Variants in SLF2 observed in about 807,000 individuals in gnomAD.
SLF2 encodes SMC5/6 complex localization factor 2, also known as SMC5-SMC6 complex localization factor protein 2.
Under a neutral mutation model 124.3 loss-of-function variants are expected in SLF2, and 68 were observed. The observed-to-expected ratio is 0.55, with a 90% CI of 0.45 to 0.67. The LOEUF (loss-of-function observed/expected upper bound fraction) is 0.67. Ranked by LOEUF, SLF2 falls within the 30% of genes least tolerant of loss-of-function variation. The pLI is 0.00. For missense variants in SLF2, 1,246 were observed against 1,373.7 expected (o/e 0.91, Z 1.47); for synonymous variants, 480 against 478.8 (o/e 1.00, Z -0.03).
Position 100,916,038 on chromosome 10 carries a change from A to G in SLF2, c.180A>G (p.Lys60=), listed in dbSNP as rs746245363. The G allele has an allele frequency of 1.2e-6, 2 of 1,612,180 alleles. No individual in the cohort carries two copies. The highest frequency in any genetic ancestry group is 2.7e-5 in the African/African-American group (2 of 74,890). The change falls in exon 2 of 20, where the codon AAA becomes AAG. Residue 60 remains lysine (K), a synonymous_variant. Transcript: ENST00000238961. ...TAGATTTCTTCAAACCAGCTTCAAA[A>G]CAAGGTATGTACACTGTTGATGCAT... ...SIIDFFKPAS[K]QDRHMLDSPQ...
chr10:100,930,095 T>C (rs1849701857), intron 8 of SLF2, 98 bp downstream of exon 8: 3 of 751,664 alleles, frequency 4.0e-6, no homozygotes, highest in Non-Finnish European at 6.1e-6. Flanking sequence ...ATTTCTATTA[T>C]GACCTATTAA....
intron 9 of SLF2, among the ~76,000 whole-genome samples, chr10:100,935,760 C>G (rs1849836449): frequency 1.3e-5 from 2 of 151,620 alleles, no homozygotes. Context: ...ATCTGAATTC[C>G]TGTATGTACA....
At chr10:100,914,405 A>G (rs1297355959) in intron 1 of SLF2, among the ~76,000 whole-genome samples, 1 of 152,002 alleles carries the variant, frequency 6.6e-6, no homozygotes, top group East Asian at 1.9e-4. Flanking sequence ...ATTCATGGTT[A>G]TTTTACAGGT....
intron 12 of SLF2, 61 bp from the exon 13 acceptor site, chr10:100,945,269 A>C: frequency 1.5e-6 from 2 of 1,375,972 alleles, no homozygotes; most frequent in South Asian, 3.0e-5. Context: ...TTTATAATTA[A>C]AACTCTAAAA....
chr10:100,927,081 GT>G (rs5787405), intron 6 of SLF2, among the ~76,000 whole-genome samples: 52,624 of 151,588 alleles, frequency 0.35, 10,591 homozygotes, highest in Middle Eastern at 0.53. Flanking sequence ...AATTTTTTGT[GT>G]TTTTTTAATG....
chr10:100,955,767 C>T lies in SLF2; in HGVS notation c.3331-684C>T, dbSNP rs563836654. Among the ~76,000 whole-genome samples the T allele has an allele frequency of 6.0e-4, 92 of 152,174 alleles. 2 individuals carry two copies. In the South Asian group the frequency reaches 0.019, roughly 31 times the overall value. On this transcript the variant is annotated intron_variant, in intron 17 of 19. Coordinates refer to ENST00000238961, the MANE Select transcript of SLF2 (RefSeq NM_018121.4). ...ACTAAAAATATAAAAATTAGCTGGGCATGGTGGTGCACACTTGTAATCCCA... is the reference window on the plus strand; with the variant it reads ...ACTAAAAATATAAAAATTAGCTGGGTATGGTGGTGCACACTTGTAATCCCA...
chr10:100,919,129 A>T (rs1323746090), intron 4 of SLF2, among the ~76,000 whole-genome samples: 3 of 146,854 alleles, frequency 2.0e-5, no homozygotes, highest in African/African-American at 7.7e-5. Context: ...CTCCTGCCTC[A>T]GCCTCCCAAA....
chr10:100,916,758 G>C lies in SLF2; in HGVS notation c.373G>C (p.Asp125His). 6.2e-7 allele frequency: 1 copy of C among 1,606,284 alleles called. No individual in the cohort carries two copies. The highest frequency in any genetic ancestry group is 8.5e-7 in the Non-Finnish European group (1 of 1,177,068). ...FMKGVKEHHE[D>H]HGIHESRRPC... ...GAAAGGTGTTAAAGAGCACCATGAA[G>C]ATCATGGTATACATGAGTCACGTCG... The change falls in exon 3 of 20, where the codon GAT (aspartate) becomes CAT (histidine). Residue 125 changes from aspartate to histidine, a missense_variant. Transcript: ENST00000238961.
At chr10:100,928,842 G>GT (rs953698504) in intron 6 of SLF2, among the ~76,000 whole-genome samples, 19 of 152,190 alleles carry the variant, frequency 1.2e-4, no homozygotes, top group African/African-American at 4.3e-4. Flanking sequence ...CTCGGTAAAT[G>GT]TTAGGTGTTG....
At position 100,947,740 on chromosome 10, in the gene SLF2, C is replaced by A; in HGVS notation, c.3033-20C>A. 6.4e-7 allele frequency: 1 copy of A among 1,552,332 alleles called. No homozygotes were observed. The highest frequency in any genetic ancestry group is 8.9e-7 in the Non-Finnish European group (1 of 1,128,836). On this transcript the variant is annotated intron_variant, in intron 14 of 19. Transcript: ENST00000238961. Reference sequence around the variant, plus strand: ...TATTAATTAAAATACATTCTAAATACTTTTAACTTCTAATTCTAGGCAACT... The same window carrying A: ...TATTAATTAAAATACATTCTAAATAATTTTAACTTCTAATTCTAGGCAACT...
chr10:100,926,368 C>G, intron 6 of SLF2: 1 of 1,199,276 alleles, frequency 8.3e-7, no homozygotes, highest in Non-Finnish European at 1.1e-6. Context: ...CTTTAGGAGG[C>G]CAAAGCAGGC....
chr10:100,950,856 T>C lies in SLF2; in HGVS notation c.3330+103T>C, dbSNP rs1293942681. 9.0e-6 allele frequency: 8 copies of C among 887,186 alleles called. No individual in the cohort carries two copies. In the East Asian group the frequency reaches 2.1e-4, roughly 23 times the overall value. 55.0% of individuals were successfully genotyped at this position (887,186 alleles called of 1,614,324 possible). On this transcript the variant is annotated intron_variant, in intron 17 of 19. Transcript: ENST00000238961. Reference sequence around the variant, plus strand: ...TAGGAGAAAACTATGTAAACTTTTCTTAATATAAAAGCTAATTGATTTTGC... The same window carrying C: ...TAGGAGAAAACTATGTAAACTTTTCCTAATATAAAAGCTAATTGATTTTGC...
At chr10:100,918,781 G>A (rs1466606760) in intron 4 of SLF2, among the ~76,000 whole-genome samples, 1 of 151,982 alleles carries the variant, frequency 6.6e-6, no homozygotes, top group Admixed American at 6.6e-5. Context: ...GGGCAACTAT[G>A]CCTGGTTAAT....
In SLF2 at chr10:100,916,875, C is replaced by G; in HGVS notation, c.490C>G (p.Leu164Val). 6.2e-7 allele frequency: 1 copy of G among 1,614,094 alleles called. No homozygotes were observed. Among genetic ancestry groups the G allele is most frequent in the Non-Finnish European group, 8.5e-7 (1 of 1,180,016 alleles). Residue 164 changes from leucine (L) to valine (V), a missense_variant, in exon 3 of 20, where the codon CTA becomes GTA. Leu to Val is a conservative substitution (Grantham distance 32). Around this residue, in one of 3 missense-constraint regions of SLF2, gnomAD observed 698 missense variants for 708.9 expected, o/e 0.98. Coordinates refer to ENST00000238961, the MANE Select transcript of SLF2 (RefSeq NM_018121.4). ...SYHLPKEMKSLKKKHRSPERR... is the reference protein window; with the variant it reads ...SYHLPKEMKSVKKKHRSPERR... ...TCACTTGCCAAAGGAGATGAAGTCA[C>G]TAAAGAAAAAACATCGATCCCCAGA...
intron 7 of SLF2, among the ~76,000 whole-genome samples, 188 bp from the exon 8 acceptor site, chr10:100,929,642 A>G (rs1355478200): frequency 1.3e-5 from 2 of 152,190 alleles, no homozygotes; most frequent in South Asian, 4.1e-4. Flanking sequence ...TTTCACATAG[A>G]CACATTTAGT....
intron 19 of SLF2, among the ~76,000 whole-genome samples, chr10:100,961,212 G>C (rs945777928): frequency 6.6e-6 from 1 of 151,580 alleles, no homozygotes; most frequent in Non-Finnish European, 1.5e-5. Context: ...AGGTTTCACC[G>C]TGTTAGCCAG....
At chr10:100,936,458 C>T (rs975967983) in intron 9 of SLF2, among the ~76,000 whole-genome samples, 10 of 151,696 alleles carry the variant, frequency 6.6e-5, no homozygotes, top group Non-Finnish European at 8.8e-5. Context: ...CTCAGCCTCC[C>T]GAGTAGCTGG....
chr10:100,913,043 G>A lies in SLF2; in HGVS notation c.-68G>A. 8 of 1,562,886 alleles carry A rather than the reference G, an allele frequency of 5.1e-6. No homozygotes were observed. The highest frequency in any genetic ancestry group is 7.0e-6 in the Non-Finnish European group (8 of 1,148,792). On this transcript the variant is annotated 5_prime_UTR_variant, in exon 1 of 20. Transcript: ENST00000238961. The stretch of plus-strand genomic sequence containing the variant: ...CCGACAGCCTCCCGGAGTCCCAGCA[G>A]CAAGACGGCAACCACGCACCCAACT...
At chr10:100,926,299 A>T in intron 6 of SLF2, 2 of 1,456,394 alleles carry the variant, frequency 1.4e-6, no homozygotes, top group Non-Finnish European at 1.8e-6. Flanking sequence ...GCAGAGTGAG[A>T]CCCAGTCTCA....
Sources: allele counts gnomAD v4.1 joint callset (sites outside exome capture counted in the v4.1 genomes callset), GRCh38; gene constraint gnomAD v4.1.1; regional missense constraint gnomAD v4.1.1; transcripts MANE v1.5; gene names NCBI Gene and HGNC (gene_info 2026-07-23, HGNC 2026-07-21).